ANO3: variants seen among roughly 807,000 people sequenced by gnomAD.
ANO3 encodes anoctamin 3.
Under a neutral mutation model 144.8 loss-of-function variants are expected in ANO3, and 99 were observed. That is an observed-to-expected ratio of 0.68 (90% CI 0.58 to 0.81). The LOEUF (loss-of-function observed/expected upper bound fraction) is 0.81. Ranked by LOEUF, ANO3 falls within the 30% of genes least tolerant of loss-of-function variation. The pLI is 0.00. For missense variants in ANO3, 905 were observed against 1,202.2 expected, an observed-to-expected ratio of 0.75 and a Z score of 3.66; for synonymous variants, 414 against 392.6, an observed-to-expected ratio of 1.05 and a Z score of -0.64.
intron 6 of ANO3, among the ~76,000 whole-genome samples, chr11:26,520,730 A>G (rs150376711): frequency 1.1e-3 from 167 of 152,264 alleles, no homozygotes; most frequent in African/African-American, 4.0e-3. Context: ...CCTGGGAAGT[A>G]ATAAAAATGA....
At chr11:26,248,364 G>A (rs1302909391) in intron 1 of ANO3, among the ~76,000 whole-genome samples, 1 of 151,906 alleles carries the variant, frequency 6.6e-6, no homozygotes, top group Non-Finnish European at 1.5e-5. Flanking sequence ...AAAAAAGAAA[G>A]AAAGAAAAAG....
chr11:26,378,995 A>G (rs1856501392), intron 1 of ANO3, among the ~76,000 whole-genome samples: 1 of 150,974 alleles, frequency 6.6e-6, no homozygotes, highest in Admixed American at 6.6e-5. Flanking sequence ...TCAAAACATA[A>G]TGATAGGCAA....
At chr11:26,368,153 G>A (rs1856145900) in intron 1 of ANO3, among the ~76,000 whole-genome samples, 1 of 152,164 alleles carries the variant, frequency 6.6e-6, no homozygotes, top group African/African-American at 2.4e-5. Flanking sequence ...ATGAAATCCT[G>A]AAATATATAA....
At chr11:26,648,622 C>G (rs530880664) in intron 24 of ANO3, among the ~76,000 whole-genome samples, 3 of 152,242 alleles carry the variant, frequency 2.0e-5, no homozygotes, top group East Asian at 3.9e-4. Context: ...AGTTTAGAAC[C>G]ACTGCTTTAG....
intron 1 of ANO3, among the ~76,000 whole-genome samples, chr11:26,422,305 T>G (rs1007310869): frequency 5.3e-5 from 8 of 151,986 alleles, no homozygotes; most frequent in African/African-American, 1.9e-4. Context: ...TTTTTCCAGT[T>G]AAGAACTCCG....
intron 1 of ANO3, among the ~76,000 whole-genome samples, chr11:26,347,222 G>C (rs1041136311): frequency 2.0e-5 from 3 of 152,172 alleles, no homozygotes; most frequent in Non-Finnish European, 2.9e-5. Flanking sequence ...TTGCCATGGG[G>C]ATTAAATATG....
chr11:26,434,128 A>G (rs928828039), intron 1 of ANO3, among the ~76,000 whole-genome samples: 1 of 151,674 alleles, frequency 6.6e-6, no homozygotes, highest in Non-Finnish European at 1.5e-5. Flanking sequence ...CAGGGAATCA[A>G]TTTTTTCTTG....
chr11:26,482,605 C>T (rs1217839209), intron 4 of ANO3, among the ~76,000 whole-genome samples: 2 of 151,942 alleles, frequency 1.3e-5, no homozygotes. Context: ...GTATATTTAA[C>T]ATTATCTTTG....
chr11:26,478,862 T>C (rs1860086656), intron 4 of ANO3, among the ~76,000 whole-genome samples: 2 of 152,148 alleles, frequency 1.3e-5, no homozygotes, highest in Non-Finnish European at 2.9e-5. Flanking sequence ...GGTAATTACT[T>C]TGCTTCTGTC....
chr11:26,654,139 T>G (rs1853613753), intron 24 of ANO3, among the ~76,000 whole-genome samples: 2 of 152,206 alleles, frequency 1.3e-5, no homozygotes, highest in African/African-American at 4.8e-5. Context: ...ACGTTGCTAA[T>G]ATAGATTCTT....
At chr11:26,509,501 C>T (rs143220330) in intron 5 of ANO3, among the ~76,000 whole-genome samples, 3,355 of 151,892 alleles carry the variant, frequency 0.022, 63 homozygotes, top group Non-Finnish European at 0.035. Context: ...TTAGTAGAGA[C>T]GGGGTTTCAC....
At chr11:26,409,634 G>A (rs574074121) in intron 1 of ANO3, among the ~76,000 whole-genome samples, 1 of 151,854 alleles carries the variant, frequency 6.6e-6, no homozygotes, top group East Asian at 1.9e-4. Flanking sequence ...AAATAATGTG[G>A]ACATCTGTCA....
rs758932596 is a variant in ANO3, at chr11:26,541,944, C to T, written c.1033-3C>T. On this transcript the variant is annotated splice_region_variant and splice_polypyrimidine_tract_variant and intron_variant, in intron 10 of 26. Coordinates refer to ENST00000256737, the MANE Select transcript of ANO3 (RefSeq NM_031418.4). ...CAAATGTATCTTACTTTATCTGTTG[C>T]AGGGAGCCTACAAAAGTAGCCAGCC... is the stretch of plus-strand genomic sequence containing the variant. The T allele has an allele frequency of 3.1e-6, 5 of 1,608,760 alleles. No individual in the cohort carries two copies. The highest frequency in any genetic ancestry group is 4.2e-6 in the Non-Finnish European group (5 of 1,177,452).
At chr11:26,597,802 C>T (rs767061211) in intron 14 of ANO3, among the ~76,000 whole-genome samples, 14 of 152,258 alleles carry the variant, frequency 9.2e-5, no homozygotes, top group South Asian at 2.1e-4. Context: ...ACTGTTTAAA[C>T]GGGAAAGCTG....
At chr11:26,628,676 G>A (rs1056323902) in intron 18 of ANO3, among the ~76,000 whole-genome samples, 1 of 152,136 alleles carries the variant, frequency 6.6e-6, no homozygotes, top group Non-Finnish European at 1.5e-5. Flanking sequence ...TTGCCACATA[G>A]CCTTTTACTC....
chr11:26,242,825 C>A (rs375080574), intron 1 of ANO3, among the ~76,000 whole-genome samples: 1 of 152,044 alleles, frequency 6.6e-6, no homozygotes, highest in Non-Finnish European at 1.5e-5. Context: ...GCCCTTAGCT[C>A]AATGTGAGCA....
At chr11:26,253,427 A>G (rs745441809) in intron 1 of ANO3, among the ~76,000 whole-genome samples, 25 of 152,188 alleles carry the variant, frequency 1.6e-4, no homozygotes, top group Non-Finnish European at 2.2e-4. Context: ...GAGGAGGGAG[A>G]GGATCAGGAA....
At chr11:26,563,320 C>T in intron 14 of ANO3, 1 of 1,513,962 alleles carries the variant, frequency 6.6e-7, no homozygotes, top group Non-Finnish European at 8.9e-7. Context: ...AAGAACCGAA[C>T]TCTATGCATG....
In ANO3 at chr11:26,332,173, G is replaced by A. The variant is rs1855065169; in HGVS notation, c.-103G>A. On this transcript the variant is annotated 5_prime_UTR_variant, in exon 1 of 27. Transcript: ENST00000256737. ...TACAGCAGGTGTCGGATTGCAGTGC[G>A]CTCGCTGAGGCTCCGGACCTTGGAG... 2 of 1,602,276 alleles carry A rather than the reference G, an allele frequency of 1.2e-6. No individual in the cohort carries two copies. The highest frequency in any genetic ancestry group is 3.4e-5 in the Admixed American group (2 of 58,804).
Sources: allele counts gnomAD v4.1 joint callset (sites outside exome capture counted in the v4.1 genomes callset), GRCh38; gene constraint gnomAD v4.1.1; transcripts MANE v1.5; gene names NCBI Gene and HGNC (gene_info 2026-07-23, HGNC 2026-07-21).